The following IL23R variants were observed in gnomAD, a reference collection of about 807,000 sequenced individuals.
IL23R encodes interleukin-23 receptor.
Under a neutral mutation model 56.9 loss-of-function variants are expected in IL23R, and 34 were observed. The observed-to-expected ratio is 0.60, with a 90% CI of 0.45 to 0.80. The LOEUF is 0.80. Among genes scored for constraint, IL23R ranks in the 30% least tolerant of loss-of-function variants. IL23R has a pLI of 0.00. For synonymous variants in IL23R, 230 were observed against 249.2 expected (o/e 0.92, Z 0.73); for missense variants, 635 against 730.0 (o/e 0.87, Z 1.50).
chr1:67,229,740 T>G (rs1558255300), intron 7 of IL23R, among the ~76,000 whole-genome samples: 1 of 152,198 alleles, frequency 6.6e-6, no homozygotes, highest in Non-Finnish European at 1.5e-5. Flanking sequence ...AAAACCAGGA[T>G]GAAGACACAA....
intron 7 of IL23R, among the ~76,000 whole-genome samples, chr1:67,230,403 T>C (rs75409664): frequency 1.3e-5 from 2 of 152,336 alleles, no homozygotes; most frequent in East Asian, 3.9e-4. Flanking sequence ...TTCTGAGGAA[T>C]CTGTTGGCCA....
At chr1:67,182,805 A>G in intron 3 of IL23R, 31 bp from the exon 4 acceptor site, 1 of 1,613,370 alleles carries the variant, frequency 6.2e-7, no homozygotes. Context: ...TATTTCTTAC[A>G]GCACCTCCTA....
intron 4 of IL23R, among the ~76,000 whole-genome samples, chr1:67,187,352 C>T (rs1480997114): frequency 6.6e-6 from 1 of 152,186 alleles, no homozygotes; most frequent in Admixed American, 6.5e-5. Flanking sequence ...AAATTCCAGA[C>T]AGATGAACCA....
intron 3 of IL23R, among the ~76,000 whole-genome samples, chr1:67,178,015 C>T (rs1647034556): frequency 6.6e-6 from 1 of 151,828 alleles, no homozygotes; most frequent in South Asian, 2.1e-4. Flanking sequence ...GTTTTTGTTA[C>T]TGTAGCCTTG....
At chr1:67,178,697 A>G (rs1030826587) in intron 3 of IL23R, among the ~76,000 whole-genome samples, 3 of 152,222 alleles carry the variant, frequency 2.0e-5, no homozygotes, top group Admixed American at 6.5e-5. Flanking sequence ...ATCTTGTGCC[A>G]GTTTTCAAAG....
intron 6 of IL23R, among the ~76,000 whole-genome samples, chr1:67,212,721 T>C (rs916006097): frequency 6.6e-6 from 1 of 151,914 alleles, no homozygotes; most frequent in Non-Finnish European, 1.5e-5. Context: ...ATTTTAAAAA[T>C]TTTTCTGTAG....
chr1:67,215,755 C>T (rs1000788836), intron 6 of IL23R, among the ~76,000 whole-genome samples: 1 of 152,224 alleles, frequency 6.6e-6, no homozygotes, highest in African/African-American at 2.4e-5. Context: ...AGAACCTTGG[C>T]AGTCTTCATC....
At chr1:67,184,564 AAAAT>A (rs1284708123) in intron 4 of IL23R, among the ~76,000 whole-genome samples, 4 of 106,160 alleles carry the variant, frequency 3.8e-5, no homozygotes, top group African/African-American at 7.4e-5. Context: ...TAAATAAAAT[AAAAT>A]AAATAAAATA....
chr1:67,153,048 A>C (rs1291873097), intron 1 of IL23R, among the ~76,000 whole-genome samples: 1 of 152,130 alleles, frequency 6.6e-6, no homozygotes, highest in Non-Finnish European at 1.5e-5. Flanking sequence ...TGTACTGCTG[A>C]TAGAATTTGG....
At chr1:67,178,762 G>T (rs575483969) in intron 3 of IL23R, among the ~76,000 whole-genome samples, 1 of 152,270 alleles carries the variant, frequency 6.6e-6, no homozygotes, top group South Asian at 2.1e-4. Flanking sequence ...GTTTGTCATA[G>T]ATAGCTCTTA....
intron 6 of IL23R, among the ~76,000 whole-genome samples, chr1:67,214,810 AAAC>A (rs1649724411): frequency 1.3e-5 from 2 of 152,210 alleles, no homozygotes; most frequent in African/African-American, 2.4e-5. Context: ...TTTTAAGAAA[AAAC>A]AACAAGGAAG....
intron 10 of IL23R, among the ~76,000 whole-genome samples, chr1:67,256,380 C>A (rs1652949366): frequency 6.6e-6 from 1 of 152,150 alleles, no homozygotes; most frequent in Non-Finnish European, 1.5e-5. Context: ...TTGAGAAAAG[C>A]AATGTGAGAG....
chr1:67,215,338 C>T (rs1057183011), intron 6 of IL23R, among the ~76,000 whole-genome samples: 1 of 152,174 alleles, frequency 6.6e-6, no homozygotes. Flanking sequence ...TGGAATTGGG[C>T]ATGTGTTTGC....
At chr1:67,179,825 T>A (rs34103474) in intron 3 of IL23R, among the ~76,000 whole-genome samples, 1 of 152,222 alleles carries the variant, frequency 6.6e-6, no homozygotes, top group African/African-American at 2.4e-5. Context: ...TGTGTCTTTG[T>A]TCTCGTTGGT....
At chr1:67,204,095 G>A (rs901193226) in intron 5 of IL23R, among the ~76,000 whole-genome samples, 10 of 151,740 alleles carry the variant, frequency 6.6e-5, no homozygotes, top group African/African-American at 1.7e-4. Context: ...ACGGAGTCTC[G>A]CTCTGTCGCC....
At chr1:67,206,700 A>C (rs1400551393) in intron 5 of IL23R, among the ~76,000 whole-genome samples, 3 of 151,748 alleles carry the variant, frequency 2.0e-5, no homozygotes, top group African/African-American at 7.3e-5. Context: ...TTAATGGGGA[A>C]TGGGCTGAAT....
At chr1:67,146,215 T>C (rs1360365980) in intron 1 of IL23R, among the ~76,000 whole-genome samples, 3 of 152,240 alleles carry the variant, frequency 2.0e-5, no homozygotes, top group Non-Finnish European at 4.4e-5. Context: ...CTACTGTGGG[T>C]TCATGTGATC....
At chr1:67,233,602 A>G (rs527487319) in intron 7 of IL23R, among the ~76,000 whole-genome samples, 1 of 152,232 alleles carries the variant, frequency 6.6e-6, no homozygotes, top group African/African-American at 2.4e-5. Context: ...ATAAGAAACC[A>G]TATTTCTCGT....
At chr1:67,152,971 T>C (rs944554345) in intron 1 of IL23R, among the ~76,000 whole-genome samples, 2 of 152,206 alleles carry the variant, frequency 1.3e-5, no homozygotes, top group African/African-American at 4.8e-5. Flanking sequence ...ATAAAATAAG[T>C]TGCAGAGGAG....
Sources: allele counts gnomAD v4.1 joint callset (sites outside exome capture counted in the v4.1 genomes callset), GRCh38; gene constraint gnomAD v4.1.1; transcripts MANE v1.5; gene names NCBI Gene and HGNC (gene_info 2026-07-23, HGNC 2026-07-21).